BACH2: variants seen among roughly 807,000 people sequenced by gnomAD.
BACH2 encodes transcription regulator protein BACH2.
BACH2 carries 5 observed loss-of-function variants against 61.8 expected under a neutral mutation model. That is an observed-to-expected ratio of 0.08 (90% CI 0.04 to 0.17). The LOEUF is 0.17. Among genes scored for constraint, BACH2 ranks in the 10% least tolerant of loss-of-function variants. BACH2 has a pLI of 1.00. For synonymous variants in BACH2, 446 were observed against 440.1 expected, an observed-to-expected ratio of 1.01 and a Z score of -0.17; for missense variants, 824 against 1,091.1, an observed-to-expected ratio of 0.76 and a Z score of 3.45.
chr6:90,137,031 T>A (rs906575594), intron 4 of BACH2, among the ~76,000 whole-genome samples: 1 of 151,962 alleles, frequency 6.6e-6, no homozygotes, highest in Non-Finnish European at 1.5e-5. Flanking sequence ...TGTCATGTCA[T>A]CCTGTGACAC....
At chr6:90,245,939 G>A (rs1770621379) in intron 3 of BACH2, among the ~76,000 whole-genome samples, 1 of 152,222 alleles carries the variant, frequency 6.6e-6, no homozygotes, top group Admixed American at 6.5e-5. Context: ...ACAGGAGGCT[G>A]GCAGTGCCAG....
intron 4 of BACH2, among the ~76,000 whole-genome samples, chr6:90,096,113 T>G (rs4707600): frequency 0.13 from 20,301 of 152,236 alleles, 2,734 homozygotes; most frequent in East Asian, 0.72. Context: ...CTGACAAGGC[T>G]GCAGGTCCCA....
intron 6 of BACH2, among the ~76,000 whole-genome samples, chr6:89,985,512 C>A (rs528406104): frequency 6.6e-6 from 1 of 152,196 alleles, no homozygotes; most frequent in East Asian, 1.9e-4. Flanking sequence ...TCCGTCCATC[C>A]GGCACTCCTG....
Position 89,932,194 on chromosome 6 carries a change from G to T in BACH2, c.*214C>A. Reference sequence around the variant, plus strand: ...AGTGTCATCACTGCTGTCTTTCCTTGCCTGGGCAAGGGGTAGCACCATTGT... The same window carrying T: ...AGTGTCATCACTGCTGTCTTTCCTTTCCTGGGCAAGGGGTAGCACCATTGT... On this transcript the variant is annotated 3_prime_UTR_variant, in exon 9 of 9. Transcript: ENST00000257749. 1.6e-6 allele frequency: 1 copy of T among 612,192 alleles called. No individual in the cohort carries two copies. Among genetic ancestry groups the T allele is most frequent in the Non-Finnish European group, 2.8e-6 (1 of 360,456 alleles). 37.9% of individuals were successfully genotyped at this position (612,192 alleles called of 1,614,324 possible).
chr6:90,234,547 G>A (rs1770199637), intron 3 of BACH2, among the ~76,000 whole-genome samples: 1 of 152,104 alleles, frequency 6.6e-6, no homozygotes, highest in South Asian at 2.1e-4. Flanking sequence ...CAGAAAAAAA[G>A]GTCACTTTCA....
intron 5 of BACH2, among the ~76,000 whole-genome samples, chr6:90,069,137 G>A (rs1436485053): frequency 2.0e-5 from 3 of 152,142 alleles, no homozygotes; most frequent in African/African-American, 7.2e-5. Flanking sequence ...TAGCAGACTA[G>A]GATGGGAGGA....
intron 3 of BACH2, among the ~76,000 whole-genome samples, chr6:90,224,175 G>C (rs1312764490): frequency 1.3e-5 from 2 of 152,182 alleles, no homozygotes; most frequent in Non-Finnish European, 2.9e-5. Flanking sequence ...AAATGCAGCA[G>C]TCAAGATTTT....
chr6:90,209,288 G>T (rs892545746), intron 3 of BACH2, among the ~76,000 whole-genome samples: 5 of 152,106 alleles, frequency 3.3e-5, no homozygotes, highest in Non-Finnish European at 7.3e-5. Context: ...CAACTTTGTA[G>T]TACGAATACA....
intron 1 of BACH2, among the ~76,000 whole-genome samples, chr6:90,296,203 T>A (rs181483267): frequency 7.2e-5 from 11 of 151,832 alleles, no homozygotes; most frequent in East Asian, 3.9e-4. Context: ...GCCAGCAAAA[T>A]ACAATGCGCC....
At chr6:90,281,134 G>A (rs75960295) in intron 1 of BACH2, among the ~76,000 whole-genome samples, 1,765 of 152,254 alleles carry the variant, frequency 0.012, 45 homozygotes, top group African/African-American at 0.04. Flanking sequence ...TACATTCCCT[G>A]ATCTAAAGGG....
chr6:90,105,023 T>C (rs1243365592), intron 4 of BACH2, among the ~76,000 whole-genome samples: 1 of 152,226 alleles, frequency 6.6e-6, no homozygotes, highest in Non-Finnish European at 1.5e-5. Flanking sequence ...GATTCATAAA[T>C]TTTAATATTT....
intron 5 of BACH2, among the ~76,000 whole-genome samples, chr6:90,034,602 T>C (rs1306992271): frequency 6.6e-6 from 1 of 152,208 alleles, no homozygotes; most frequent in Non-Finnish European, 1.5e-5. Flanking sequence ...TAATAATTCA[T>C]TCAGCAATAA....
intron 4 of BACH2, among the ~76,000 whole-genome samples, chr6:90,111,600 G>A (rs1014929012): frequency 6.6e-6 from 1 of 152,190 alleles, no homozygotes; most frequent in Non-Finnish European, 1.5e-5. Context: ...CCAGGTTTTA[G>A]CAGGTAGGGT....
intron 1 of BACH2, among the ~76,000 whole-genome samples, chr6:90,288,819 C>T (rs1032633876): frequency 1.3e-5 from 2 of 152,124 alleles, no homozygotes; most frequent in Admixed American, 1.3e-4. Context: ...CTACCTCTTA[C>T]AGGTATAGTT....
chr6:90,291,248 G>C (rs1443653206), intron 1 of BACH2, among the ~76,000 whole-genome samples: 3 of 152,108 alleles, frequency 2.0e-5, no homozygotes, highest in Admixed American at 6.5e-5. Context: ...GATGTGAAAT[G>C]CTTTTGGATT....
At chr6:90,131,562 A>G (rs952635497) in intron 4 of BACH2, among the ~76,000 whole-genome samples, 1 of 152,232 alleles carries the variant, frequency 6.6e-6, no homozygotes, top group Non-Finnish European at 1.5e-5. Flanking sequence ...CCAGAAGGAC[A>G]GACTGTGGTC....
intron 1 of BACH2, among the ~76,000 whole-genome samples, chr6:90,292,592 T>C (rs1249352945): frequency 6.6e-6 from 1 of 152,248 alleles, no homozygotes; most frequent in African/African-American, 2.4e-5. Flanking sequence ...AATGTTGATT[T>C]GAAGTTTTGT....
chr6:90,031,514 T>C (rs1429104926), intron 5 of BACH2, among the ~76,000 whole-genome samples: 1 of 152,146 alleles, frequency 6.6e-6, no homozygotes, highest in Non-Finnish European at 1.5e-5. Context: ...AGTCTCAGGA[T>C]ACAAAATCAA....
intron 6 of BACH2, among the ~76,000 whole-genome samples, chr6:90,000,378 T>A (rs1215862126): frequency 6.6e-6 from 1 of 152,236 alleles, no homozygotes; most frequent in Non-Finnish European, 1.5e-5. Flanking sequence ...CCTGAAATAT[T>A]TTGACTTCTT....
Sources: allele counts gnomAD v4.1 joint callset (sites outside exome capture counted in the v4.1 genomes callset), GRCh38; gene constraint gnomAD v4.1.1; transcripts MANE v1.5; gene names NCBI Gene and HGNC (gene_info 2026-07-23, HGNC 2026-07-21).